The following SQSTM1 variants were observed in gnomAD, a reference collection of about 807,000 sequenced individuals.
SQSTM1 encodes the protein sequestosome 1.
Under a neutral mutation model 45.1 loss-of-function variants are expected in SQSTM1, and 36 were observed. The ratio of observed to expected loss-of-function variants is 0.80; its 90% CI spans 0.61 to 1.05. The LOEUF (loss-of-function observed/expected upper bound fraction) is 1.05. SQSTM1 is among the 50% of genes least tolerant of loss of function. The probability of loss-of-function intolerance (pLI) is 0.00; values close to 1 mark genes in which losing one functional copy is unlikely to be tolerated. For synonymous variants in SQSTM1, 290 were observed against 244.3 expected (o/e 1.19, Z -1.74); for missense variants, 617 against 607.1 (o/e 1.02, Z -0.17).
At chr5:179,819,350 GCCC>G (rs1411006204), upstream of SQSTM1, among the ~76,000 whole-genome samples, 4 of 73,810 alleles carry the variant, frequency 5.4e-5, no homozygotes, top group African/African-American at 1.9e-4. Flanking sequence ...CTCTTCACAT[GCCC>G]CTAGCCCCCG....
intron 6 of SQSTM1, 133 bp from the exon 7 acceptor site, chr5:179,833,453 TC>T: frequency 9.5e-7 from 1 of 1,057,222 alleles, no homozygotes; most frequent in Non-Finnish European, 1.4e-6. Context: ...TGGCCACTGT[TC>T]CCCCTAGACC....
chr5:179,808,009 ATT>A (rs943163392), intron 1 of SQSTM1: 1 of 152,234 alleles, frequency 6.6e-6, no homozygotes, highest in African/African-American at 2.4e-5. Context: ...AAGGGCGCAA[ATT>A]ATAAAGGGAC....
At chr5:179,822,762 C>T (rs560446195) in intron 1 of SQSTM1, 196 bp from the exon 2 acceptor site, 11 of 661,034 alleles carry the variant, frequency 1.7e-5, no homozygotes, top group Non-Finnish European at 2.5e-5. Flanking sequence ...GGGCCCAGGT[C>T]GGAGCACTCA....
chr5:179,821,695 C>G (rs1161499106), intron 1 of SQSTM1: 2 of 363,446 alleles, frequency 5.5e-6, no homozygotes, highest in African/African-American at 4.5e-5. Context: ...GCCGGCGGAA[C>G]GCTCCGAGCC....
chr5:179,833,449 C>CTCACAAAGACCAAG, intron 6 of SQSTM1, 138 bp from the exon 7 acceptor site: 1 of 1,040,516 alleles, frequency 9.6e-7, no homozygotes, highest in Non-Finnish European at 1.4e-6. Context: ...TGAGTGGCCA[C>CTCACAAAGACCAAG]TGTTCCCCCT....
intron 2 of SQSTM1, 87 bp downstream of exon 2, chr5:179,823,140 C>T: frequency 2.4e-6 from 3 of 1,242,164 alleles, no homozygotes; most frequent in East Asian, 2.4e-5. Context: ...CGATGTTCCA[C>T]CAATGAAGGG....
Position 179,820,931 on chromosome 5 carries a change from C to T in SQSTM1, c.-6C>T, listed in dbSNP as rs766657254. 2.0e-5 allele frequency: 31 copies of T among 1,533,178 alleles called. No homozygotes were observed. Among genetic ancestry groups the T allele is most frequent in the Middle Eastern group, 3.5e-4 (2 of 5,682 alleles). 95.0% of individuals were successfully genotyped at this position (1,533,178 alleles called of 1,614,324 possible). A position where few individuals can be genotyped will look rare whatever the true frequency, so the allele number is the denominator to read the frequency against. ...CGGCCCGTTTTCCGCCAGCTCGCCG[C>T]TCGCTATGGCGTCGCTCACCGTGAA... is the stretch of plus-strand genomic sequence containing the variant. On this transcript the variant is annotated 5_prime_UTR_variant, in exon 1 of 8. Transcript: ENST00000389805.
rs1157793435 is a variant in SQSTM1, at chr5:179,837,506, T to C, written c.*913T>C. ...ACCCTCTGCCCAGGGAGTCCTTGCG[T>C]CCCATGAGGTCTTCCCGCAAGGCCT... On this transcript the variant is annotated 3_prime_UTR_variant, in exon 8 of 8. Coordinates refer to ENST00000389805, the MANE Select transcript of SQSTM1 (RefSeq NM_003900.5). The C allele has an allele frequency of 6.2e-7, 1 of 1,614,148 alleles. No homozygotes were observed. The highest frequency in any genetic ancestry group is 8.5e-7 in the Non-Finnish European group (1 of 1,180,012).
chr5:179,818,481 G>A (rs1036269007), upstream of SQSTM1, among the ~76,000 whole-genome samples: 2 of 152,192 alleles, frequency 1.3e-5, no homozygotes, highest in Admixed American at 6.5e-5. Flanking sequence ...CACTGCCAAG[G>A]CATAGGATTA....
chr5:179,824,986 G>A (rs1405379198), intron 4 of SQSTM1, among the ~76,000 whole-genome samples, 160 bp from the exon 5 acceptor site: 1 of 152,112 alleles, frequency 6.6e-6, no homozygotes, highest in Non-Finnish European at 1.5e-5. Context: ...GGGGTGCAGA[G>A]TGGGAGGAAG....
At chr5:179,811,866 G>C (rs989991116) in intron 2 of SQSTM1, 2 of 152,156 alleles carry the variant, frequency 1.3e-5, no homozygotes, top group Non-Finnish European at 2.9e-5. Context: ...GTGCAGTGGC[G>C]CCATCTCGGC....
At position 179,806,590 on chromosome 5, in the gene SQSTM1, G is replaced by A. The variant is rs954112740; in HGVS notation, c.-158G>A. 8.0e-7 allele frequency: 1 copy of A among 1,248,584 alleles called. No homozygotes were observed. Among genetic ancestry groups the A allele is most frequent in the Non-Finnish European group, 1.0e-6 (1 of 967,620 alleles). 77.3% of individuals were successfully genotyped at this position (1,248,584 alleles called of 1,614,324 possible). On this transcript the variant is annotated splice_region_variant and 5_prime_UTR_variant, in exon 1 of 6. Coordinates refer to the SQSTM1 transcript ENST00000514093. This position sits in a 1 kb window ranked among gnomAD's most constrained non-coding sequence, Gnocchi z 4.6. ...TGCCATTGCGGAGCCTCATCTCCTCGGGTGCGCGGCGGGCGCCCGCGGGGC... is the reference window on the plus strand; with the variant it reads ...TGCCATTGCGGAGCCTCATCTCCTCAGGTGCGCGGCGGGCGCCCGCGGGGC...
At position 179,837,604 on chromosome 5, in the gene SQSTM1, T is replaced by C. The variant is rs998221866; in HGVS notation, c.*1011T>C. 1 of 1,613,940 alleles carries C rather than the reference T, an allele frequency of 6.2e-7. No homozygotes were observed. The highest frequency in any genetic ancestry group is 8.5e-7 in the Non-Finnish European group (1 of 1,179,946). On this transcript the variant is annotated 3_prime_UTR_variant, in exon 8 of 8. Coordinates refer to ENST00000389805, the MANE Select transcript of SQSTM1 (RefSeq NM_003900.5). ...CGGCAGTGGGCCTGCTGAGGCCTTC[T>C]CTTGAGGCCTGTGCTCTGGGGGTCC...
At chr5:179,809,684 C>T (rs1757336418) in intron 1 of SQSTM1, among the ~76,000 whole-genome samples, 1 of 135,086 alleles carries the variant, frequency 7.4e-6, no homozygotes, top group Non-Finnish European at 1.5e-5. Context: ...TGCTCCCTGG[C>T]CCAGGCTGGA....
At chr5:179,834,012 G>A (rs1356168064) in intron 7 of SQSTM1, among the ~76,000 whole-genome samples, 1 of 152,080 alleles carries the variant, frequency 6.6e-6, no homozygotes, top group East Asian at 1.9e-4. Flanking sequence ...GCAAACTCCA[G>A]AGCCAGGAAT....
intron 1 of SQSTM1, chr5:179,822,750 C>A: frequency 1.6e-6 from 1 of 638,388 alleles, no homozygotes; most frequent in South Asian, 1.6e-5. Context: ...GGCTGTGGTC[C>A]AGGGCCCAGG....
At chr5:179,822,883 C>T in intron 1 of SQSTM1, 75 bp from the exon 2 acceptor site, 3 of 1,287,162 alleles carry the variant, frequency 2.3e-6, no homozygotes, top group Non-Finnish European at 3.4e-6. Flanking sequence ...TTCATACTTG[C>T]CTCAGCCCAT....
chr5:179,837,944 A>G lies in SQSTM1; in HGVS notation c.*1351A>G. ...AAGAACAATGCCAGGGCCCAGGAGG[A>G]CCGCCTGCCCTGCCTGGGCCTTGGC... On this transcript the variant is annotated 3_prime_UTR_variant, in exon 8 of 8. Coordinates refer to ENST00000389805, the MANE Select transcript of SQSTM1 (RefSeq NM_003900.5). 2.6e-6 allele frequency: 4 copies of G among 1,527,476 alleles called. No homozygotes were observed. In the East Asian group the frequency reaches 6.8e-5, roughly 26 times the overall value. The allele number at this position is 1,527,476 out of a possible 1,614,324, so 94.6% of individuals were successfully genotyped here.
intron 5 of SQSTM1, 129 bp from the exon 6 acceptor site, chr5:179,832,903 C>T: frequency 2.1e-6 from 2 of 941,430 alleles, no homozygotes; most frequent in Non-Finnish European, 3.4e-6. Context: ...ACCATCCAGA[C>T]ACTTAGCTGC....
Sources: gnomAD v4.1 joint callset for allele counts (sites outside exome capture counted in the v4.1 genomes callset) on GRCh38, gnomAD v4.1.1 for gene constraint, Gnocchi (gnomAD v3.1) non-coding constraint, MANE v1.5 for transcripts, NCBI Gene and HGNC (gene_info 2026-07-23, HGNC 2026-07-21) for gene names.